The following RBFOX1 variants were observed in gnomAD, a reference collection of about 807,000 sequenced individuals.
RBFOX1 encodes RNA binding fox-1 homolog 1, also known as RNA binding protein fox-1 homolog 1.
Under a neutral mutation model 57.7 loss-of-function variants are expected in RBFOX1, and 8 were observed. The observed-to-expected ratio is 0.14, with a 90% CI of 0.08 to 0.25. The LOEUF (loss-of-function observed/expected upper bound fraction) is 0.25, where lower values mean the gene tolerates loss of function less well. RBFOX1 is among the 10% of genes least tolerant of loss of function. The pLI is 1.00. For synonymous variants in RBFOX1, 326 were observed against 222.4 expected, an observed-to-expected ratio of 1.47 and a Z score of -4.15; for missense variants, 611 against 548.5, an observed-to-expected ratio of 1.11 and a Z score of -1.14.
At chr16:6,867,620 C>A (rs182457066) in intron 3 of RBFOX1, among the ~76,000 whole-genome samples, 2 of 152,000 alleles carry the variant, frequency 1.3e-5, no homozygotes, top group African/African-American at 4.8e-5. Flanking sequence ...TTGGGAGGCT[C>A]AGGCAGCAGG....
At chr16:6,612,904 C>G (rs1186563012) in intron 2 of RBFOX1, among the ~76,000 whole-genome samples, 3 of 151,220 alleles carry the variant, frequency 2.0e-5, no homozygotes. Flanking sequence ...AGGGCTGTTT[C>G]CTTAAAACTG....
At chr16:6,325,318 C>T (rs983923843) in intron 2 of RBFOX1, among the ~76,000 whole-genome samples, 2 of 152,136 alleles carry the variant, frequency 1.3e-5, no homozygotes, top group African/African-American at 2.4e-5. Context: ...GATTGTGGCA[C>T]TGCACACCAA....
intron 3 of RBFOX1, among the ~76,000 whole-genome samples, chr16:5,845,027 C>A (rs532001846): frequency 5.3e-5 from 8 of 150,352 alleles, no homozygotes; most frequent in Non-Finnish European, 1.0e-4. Context: ...AACCAAAAAG[C>A]ATTTAGGGAA....
intron 3 of RBFOX1, among the ~76,000 whole-genome samples, chr16:6,663,519 G>A (rs2098714086): frequency 6.6e-6 from 1 of 152,166 alleles, no homozygotes; most frequent in Non-Finnish European, 1.5e-5. Context: ...CTCCTTCCTG[G>A]AAGGGCCTCT....
chr16:6,717,992 A>T (rs1193793386), intron 3 of RBFOX1, among the ~76,000 whole-genome samples: 1 of 151,946 alleles, frequency 6.6e-6, no homozygotes, highest in Admixed American at 6.6e-5. Context: ...CCCCTGCACC[A>T]TTTTCTACCA....
intron 1 of RBFOX1, among the ~76,000 whole-genome samples, chr16:5,314,074 A>G (rs1014472698): frequency 1.3e-4 from 20 of 152,232 alleles, no homozygotes; most frequent in Non-Finnish European, 1.5e-5. Context: ...ACATTTATGC[A>G]GCACTTTCCA....
At chr16:7,691,058 C>T (rs1032802320) in intron 14 of RBFOX1, among the ~76,000 whole-genome samples, 3 of 152,120 alleles carry the variant, frequency 2.0e-5, no homozygotes, top group Non-Finnish European at 1.5e-5. Flanking sequence ...TATAGAAAGG[C>T]ACTTTCTGAC....
chr16:6,646,581 A>T (rs548848114), intron 2 of RBFOX1, among the ~76,000 whole-genome samples: 3 of 152,174 alleles, frequency 2.0e-5, no homozygotes, highest in East Asian at 3.9e-4. Context: ...TCATAATCGG[A>T]TATGGACTCT....
At chr16:6,847,470 G>C (rs1351553752) in intron 3 of RBFOX1, among the ~76,000 whole-genome samples, 1 of 152,062 alleles carries the variant, frequency 6.6e-6, no homozygotes, top group Non-Finnish European at 1.5e-5. Context: ...AGCCACAGGG[G>C]GTGGGCTGGA....
intron 3 of RBFOX1, among the ~76,000 whole-genome samples, chr16:7,004,748 G>T (rs1184432358): frequency 6.6e-6 from 1 of 152,216 alleles, no homozygotes; most frequent in Non-Finnish European, 1.5e-5. Flanking sequence ...AGAAGTAGCT[G>T]TGAGACACCA....
intron 4 of RBFOX1, chr16:7,126,678 A>C (rs571589005): frequency 6.6e-6 from 1 of 152,372 alleles, no homozygotes; most frequent in African/African-American, 2.4e-5. Flanking sequence ...TTGTTCTTTT[A>C]AATATATATG....
At chr16:7,060,597 C>G (rs1038624745) in intron 4 of RBFOX1, among the ~76,000 whole-genome samples, 1 of 152,110 alleles carries the variant, frequency 6.6e-6, no homozygotes, top group African/African-American at 2.4e-5. Context: ...TAAAATTATG[C>G]TTATTTTTAT....
At chr16:5,372,918 C>T (rs12932645) in intron 1 of RBFOX1, among the ~76,000 whole-genome samples, 4 of 152,180 alleles carry the variant, frequency 2.6e-5, no homozygotes, top group Non-Finnish European at 5.9e-5. Flanking sequence ...TTCTCTTGGT[C>T]TTCTGAAGAC....
chr16:5,651,990 C>T lies in RBFOX1; in HGVS notation c.318+53029C>T, dbSNP rs557393265. ...TCTACTAAAGAAAGAAAAAAATAGC[C>T]GGGCTTGGTGACACATGCCTATAGT... is the stretch of plus-strand genomic sequence containing the variant. On this transcript the variant is annotated intron_variant, in intron 3 of 19. Coordinates refer to the RBFOX1 transcript ENST00000641259. Among the ~76,000 whole-genome samples, 12 of 152,148 alleles carry T rather than the reference C, an allele frequency of 7.9e-5. No individual in the cohort carries two copies. The South Asian group carries it at 1.0e-3, about 13-fold the overall frequency.
chr16:6,326,342 CT>C (rs2082368108), intron 2 of RBFOX1, among the ~76,000 whole-genome samples: 1 of 152,104 alleles, frequency 6.6e-6, no homozygotes, highest in African/African-American at 2.4e-5. Flanking sequence ...GAAGATAAAA[CT>C]TTAAAGTAAA....
At chr16:7,647,089 T>C (rs2063889839) in intron 11 of RBFOX1, among the ~76,000 whole-genome samples, 1 of 152,182 alleles carries the variant, frequency 6.6e-6, no homozygotes, top group Non-Finnish European at 1.5e-5. Context: ...GCGTGCCTCT[T>C]GTTACATCCC....
At chr16:7,481,789 C>G (rs2064009926) in intron 4 of RBFOX1, among the ~76,000 whole-genome samples, 1 of 152,184 alleles carries the variant, frequency 6.6e-6, no homozygotes, top group Non-Finnish European at 1.5e-5. Context: ...ACACCCCTCA[C>G]CTACTCAACA....
chr16:7,663,371 G>A (rs929769672), intron 12 of RBFOX1, among the ~76,000 whole-genome samples: 5 of 152,274 alleles, frequency 3.3e-5, no homozygotes, highest in Admixed American at 1.3e-4. Context: ...TCCTTAGTGT[G>A]TGAAATCCCT....
chr16:6,264,759 A>C (rs979401014), intron 1 of RBFOX1, among the ~76,000 whole-genome samples: 8 of 152,124 alleles, frequency 5.3e-5, no homozygotes, highest in African/African-American at 1.9e-4. Flanking sequence ...TTTGCAGCCT[A>C]TGTTGTCTTT....
Sources: allele counts gnomAD v4.1 joint callset (sites outside exome capture counted in the v4.1 genomes callset), GRCh38; gene constraint gnomAD v4.1.1; transcripts MANE v1.5; gene names NCBI Gene and HGNC (gene_info 2026-07-23, HGNC 2026-07-21).